The following KDM1B variants were observed in gnomAD, a reference collection of about 807,000 sequenced individuals.
KDM1B encodes lysine demethylase 1B.
In KDM1B, 63 loss-of-function variants were observed where a neutral mutation model predicts 107.4. That is an observed-to-expected ratio of 0.59 (90% confidence interval 0.48 to 0.72). KDM1B has a LOEUF of 0.72. Ranked by LOEUF, KDM1B falls within the 30% of genes least tolerant of loss-of-function variation. The pLI is 0.00. For synonymous variants in KDM1B, 363 were observed against 363.9 expected (o/e 1.00, Z 0.03); for missense variants, 749 against 1,020.8 (o/e 0.73, Z 3.63).
intron 12 of KDM1B, among the ~76,000 whole-genome samples, chr6:18,199,734 G>A (rs1246576970): frequency 6.6e-6 from 1 of 150,762 alleles, no homozygotes; most frequent in Non-Finnish European, 1.5e-5. Flanking sequence ...ATATCTTAGG[G>A]AAGTTAAAGC....
intron 7 of KDM1B, among the ~76,000 whole-genome samples, chr6:18,175,547 G>T (rs1417418509): frequency 6.6e-6 from 1 of 152,100 alleles, no homozygotes; most frequent in African/African-American, 2.4e-5. Context: ...TGAAATCCTT[G>T]CCTAAGCAAG....
At chr6:18,198,656 A>AC (rs1219680292) in intron 12 of KDM1B, among the ~76,000 whole-genome samples, 168 of 147,818 alleles carry the variant, frequency 1.1e-3, no homozygotes, top group African/African-American at 3.9e-3. Context: ...AAAAAAAAAA[A>AC]ACAAAACGCC....
rs374478226 is a variant in KDM1B, at chr6:18,173,203, G to A, written c.534+1724G>A. On this transcript the variant is annotated intron_variant, in intron 7 of 21. Transcript: ENST00000650836. ...GTACCATACTACAACATTTTGTAGT[G>A]TTATTCTTTTTTAAAAAATTTAATT... is the stretch of plus-strand genomic sequence containing the variant. Among the ~76,000 whole-genome samples the A allele has an allele frequency of 3.9e-5, 6 of 152,008 alleles. No homozygotes were observed. In the East Asian group the frequency reaches 5.8e-4, roughly 15 times the overall value.
chr6:18,192,846 T>C (rs1335365636), intron 10 of KDM1B, among the ~76,000 whole-genome samples: 2 of 151,990 alleles, frequency 1.3e-5, no homozygotes, highest in African/African-American at 4.8e-5. Context: ...AAGAATATTA[T>C]AGAAGTCCTA....
Position 18,213,891 on chromosome 6 carries a change from T to A in KDM1B, c.2109+110T>A. 8.3e-7 allele frequency: 1 copy of A among 1,204,012 alleles called. No individual in the cohort carries two copies. Among genetic ancestry groups the A allele is most frequent in the Non-Finnish European group, 1.2e-6 (1 of 832,716 alleles). The allele number at this position is 1,204,012 out of a possible 1,614,324, so 74.6% of individuals were successfully genotyped here. On this transcript the variant is annotated intron_variant, in intron 19 of 21. Transcript: ENST00000650836. The surrounding 1 kb of genome is among the most constrained non-coding windows in gnomAD (Gnocchi z 5.9). ...GAACTAACGAACATCATGGAGACCC[T>A]GGGTCTATGTTTATATTCTGGGAGG...
intron 7 of KDM1B, among the ~76,000 whole-genome samples, chr6:18,184,592 C>G (rs1293213220): frequency 1.3e-5 from 2 of 151,994 alleles, no homozygotes; most frequent in South Asian, 2.1e-4. Flanking sequence ...ACTTCTTTTG[C>G]CCAACATTGT....
chr6:18,168,846 C>T (rs901323631), intron 6 of KDM1B, among the ~76,000 whole-genome samples: 1 of 152,114 alleles, frequency 6.6e-6, no homozygotes, highest in Non-Finnish European at 1.5e-5. Flanking sequence ...GGAGAAATAT[C>T]TGTTAACATC....
chr6:18,159,986 G>C lies in KDM1B; in HGVS notation c.87+4G>C, dbSNP rs1784867915. ...TTTGAGGAGCTCCGGTAGGCAGGTA[G>C]TGTTCATTTATTCATTCAACAAGCC... On this transcript the variant is annotated splice_donor_region_variant and intron_variant, in intron 3 of 21. Transcript: ENST00000650836. The surrounding 1 kb of genome is among the most constrained non-coding windows in gnomAD (Gnocchi z 4.5). 6.3e-7 allele frequency: 1 copy of C among 1,584,826 alleles called. No individual in the cohort carries two copies. The highest frequency in any genetic ancestry group is 8.6e-7 in the Non-Finnish European group (1 of 1,165,086).
At position 18,209,718 on chromosome 6, in the gene KDM1B, A is replaced by G. The variant is rs1788691655; in HGVS notation, c.1866+1512A>G. On this transcript the variant is annotated intron_variant, in intron 17 of 21. Transcript: ENST00000650836. The surrounding 1 kb of genome is among the most constrained non-coding windows in gnomAD (Gnocchi z 4.3). ...GCAACTGGGTTCAAGGGATCCTCTC[A>G]CCTGAGCCTCCCTCGAGTAGCTGGG... is the stretch of plus-strand genomic sequence containing the variant. Among the ~76,000 whole-genome samples, 1 of 152,066 alleles carries G rather than the reference A, an allele frequency of 6.6e-6. No homozygotes were observed. The highest frequency in any genetic ancestry group is 6.6e-5 in the Admixed American group (1 of 15,264).
At chr6:18,194,090 G>C (rs2150947899) in intron 10 of KDM1B, among the ~76,000 whole-genome samples, 1 of 151,968 alleles carries the variant, frequency 6.6e-6, no homozygotes, top group East Asian at 1.9e-4. Context: ...TGGCCAGGCT[G>C]GTCTCTTAAC....
intron 17 of KDM1B, among the ~76,000 whole-genome samples, chr6:18,208,603 G>GTGTATATATATATATATATATATATA (rs1359166965): frequency 7.2e-4 from 25 of 34,912 alleles, no homozygotes; most frequent in Non-Finnish European, 8.7e-4. Context: ...GTATGTGTAT[G>GTGTATATATATATATATATATATATA]TATATATATA....
Position 18,173,356 on chromosome 6 carries a change from T to A in KDM1B, c.534+1877T>A, listed in dbSNP as rs1343956422. On this transcript the variant is annotated intron_variant, in intron 7 of 21. Transcript: ENST00000650836. ...GCATTTCTCTTTGGAAAATGTCTGATCAAGTTTTTTTTAAATTGGGTTTTA... is the reference window on the plus strand; with the variant it reads ...GCATTTCTCTTTGGAAAATGTCTGAACAAGTTTTTTTTAAATTGGGTTTTA... Among the ~76,000 whole-genome samples the A allele has an allele frequency of 2.0e-5, 3 of 152,294 alleles. No individual in the cohort carries two copies. In the South Asian group the frequency reaches 6.2e-4, roughly 32 times the overall value.
rs568822824 is a variant in KDM1B at position 18,222,180 on chromosome 6, G to A, written c.*188G>A. The A allele has an allele frequency of 7.2e-6, 5 of 693,158 alleles. No individual in the cohort carries two copies. The highest frequency in any genetic ancestry group is 1.3e-5 in the Non-Finnish European group (5 of 378,166). The allele number at this position is 693,158 out of a possible 1,614,324, so 42.9% of individuals were successfully genotyped here. A position where few individuals can be genotyped will look rare whatever the true frequency, so the allele number is the denominator to read the frequency against. ...GCACTGACCTCAAAAAACCTTATAA[G>A]CACTTAGATTTAATTGCATTTTCCA... On this transcript the variant is annotated 3_prime_UTR_variant, in exon 22 of 22. Transcript: ENST00000650836.
chr6:18,193,219 TTTATATAC>T (rs1295508467), intron 10 of KDM1B, among the ~76,000 whole-genome samples: 1 of 142,904 alleles, frequency 7.0e-6, no homozygotes, highest in Non-Finnish European at 1.5e-5. Context: ...AAAAAAAGAA[TTTATATAC>T]TTAATACTAT....
At position 18,191,425 on chromosome 6, in the gene KDM1B, C is replaced by A; in HGVS notation, c.969+44C>A. On this transcript the variant is annotated intron_variant, in intron 10 of 21. Transcript: ENST00000650836. This position sits in a 1 kb window ranked among gnomAD's most constrained non-coding sequence, Gnocchi z 5.1. ...GCCAATAGCACTGGACAGAGGAGGA[C>A]CATGTTGAAAAGGAGGGGATACTTC... 6.6e-7 allele frequency: 1 copy of A among 1,506,676 alleles called. No homozygotes were observed. 93.3% of individuals were successfully genotyped at this position (1,506,676 alleles called of 1,614,324 possible).
Position 18,201,734 on chromosome 6 carries a change from C to A in KDM1B, c.1531+77C>A. The A allele has an allele frequency of 8.1e-7, 1 of 1,230,678 alleles. No homozygotes were observed. The highest frequency in any genetic ancestry group is 1.1e-6 in the Non-Finnish European group (1 of 890,702). The allele number at this position is 1,230,678 out of a possible 1,614,324, so 76.2% of individuals were successfully genotyped here. A position where few individuals can be genotyped will look rare whatever the true frequency, so the allele number is the denominator to read the frequency against. On this transcript the variant is annotated intron_variant, in intron 14 of 21. Coordinates refer to ENST00000650836, the MANE Select transcript of KDM1B (RefSeq NM_001364614.2). The surrounding 1 kb of genome is among the most constrained non-coding windows in gnomAD (Gnocchi z 4.3). Reference sequence around the variant, plus strand: ...AAGCTTCATCAGCAGTGGCATTGTTCATTTGCGAGGTCGGATGTCGGCAAC... The same window carrying A: ...AAGCTTCATCAGCAGTGGCATTGTTAATTTGCGAGGTCGGATGTCGGCAAC...
At chr6:18,171,311 G>T in intron 6 of KDM1B, 52 bp from the exon 7 acceptor site, 1 of 902,246 alleles carries the variant, frequency 1.1e-6, no homozygotes, top group Non-Finnish European at 1.9e-6. Flanking sequence ...GATAGAAATG[G>T]TAACTGAAGA....
At chr6:18,199,008 G>GAAAAAAAAAAAAAAA (rs70974711) in intron 12 of KDM1B, among the ~76,000 whole-genome samples, 6 of 74,694 alleles carry the variant, frequency 8.0e-5, no homozygotes, top group Non-Finnish European at 1.6e-4. Context: ...GTCTCTACCA[G>GAAAAAAAAAAAAAAA]AAAAAAAAAA....
At chr6:18,168,277 C>A (rs142163270) in intron 6 of KDM1B, among the ~76,000 whole-genome samples, 2 of 152,178 alleles carry the variant, frequency 1.3e-5, no homozygotes, top group Admixed American at 6.5e-5. Context: ...CTTGCTACCC[C>A]CAGTTCCTGG....
Sources: gnomAD v4.1 joint callset for allele counts (sites outside exome capture counted in the v4.1 genomes callset) on GRCh38, gnomAD v4.1.1 for gene constraint, Gnocchi (gnomAD v3.1) non-coding constraint, MANE v1.5 for transcripts, NCBI Gene and HGNC (gene_info 2026-07-23, HGNC 2026-07-21) for gene names.